Variants in PDE3B observed in about 807,000 individuals in gnomAD.
The protein encoded by PDE3B is cGMP-inhibited 3',5'-cyclic phosphodiesterase 3B.
In PDE3B, 66 loss-of-function variants were observed where a neutral mutation model predicts 116.8. The observed-to-expected ratio is 0.56, with a 90% CI of 0.46 to 0.69. The LOEUF (loss-of-function observed/expected upper bound fraction) is 0.69. PDE3B is among the 30% of genes least tolerant of loss of function. The pLI, the probability that PDE3B is intolerant of heterozygous loss-of-function variation, is 0.00. For synonymous variants in PDE3B, 595 were observed against 533.6 expected, an observed-to-expected ratio of 1.12 and a Z score of -1.59; for missense variants, 1,384 against 1,368.1, an observed-to-expected ratio of 1.01 and a Z score of -0.18.
chr11:14,651,919 A>G (rs1853584718), intron 1 of PDE3B, among the ~76,000 whole-genome samples: 2 of 152,164 alleles, frequency 1.3e-5, no homozygotes, highest in South Asian at 4.1e-4. Flanking sequence ...ATAAGACTTA[A>G]TATCCTGTAT....
intron 1 of PDE3B, among the ~76,000 whole-genome samples, chr11:14,679,497 A>G (rs1286330681): frequency 6.6e-6 from 1 of 152,174 alleles, no homozygotes; most frequent in Admixed American, 6.5e-5. Context: ...TATTTTGGCA[A>G]GCCAGCCAGG....
intron 1 of PDE3B, among the ~76,000 whole-genome samples, chr11:14,755,194 T>C (rs540007225): frequency 6.6e-6 from 1 of 152,324 alleles, no homozygotes; most frequent in South Asian, 2.1e-4. Flanking sequence ...ACTGTATATG[T>C]CACATCTTGT....
chr11:14,771,970 T>G lies in PDE3B; in HGVS notation c.1012T>G (p.Tyr338Asp). 7.3e-7 allele frequency: 1 copy of G among 1,365,712 alleles called. No individual in the cohort carries two copies. Among genetic ancestry groups the G allele is most frequent in the Non-Finnish European group, 1.0e-6 (1 of 1,001,904 alleles). 84.6% of individuals were successfully genotyped at this position (1,365,712 alleles called of 1,614,324 possible). ...TTGGGATTGGGACTTAAAACAATGG[T>G]ATAAGCCTCATTATCAAGTAAGTAT... ...ILWDWDLKQWYKPHYQNSGGG... is the reference protein window; with the variant it reads ...ILWDWDLKQWDKPHYQNSGGG... Residue 338 changes from tyrosine (Y) to aspartate (D), a missense_variant, in exon 2 of 16, where the codon TAT (tyrosine) becomes GAT (aspartate). Transcript: ENST00000282096.
chr11:14,744,414 C>A (rs1040138707), intron 1 of PDE3B, among the ~76,000 whole-genome samples: 1 of 152,126 alleles, frequency 6.6e-6, no homozygotes, highest in Non-Finnish European at 1.5e-5. Context: ...TCTTCCAAGT[C>A]CATGAATGTG....
At chr11:14,766,046 A>G (rs1470634096) in intron 1 of PDE3B, among the ~76,000 whole-genome samples, 1 of 151,596 alleles carries the variant, frequency 6.6e-6, no homozygotes, top group Non-Finnish European at 1.5e-5. Flanking sequence ...TGTACCGCCA[A>G]CTATGCATTC....
At chr11:14,716,348 A>T (rs1478453861) in intron 1 of PDE3B, among the ~76,000 whole-genome samples, 2 of 151,760 alleles carry the variant, frequency 1.3e-5, no homozygotes, top group African/African-American at 2.4e-5. Context: ...GGGGGAGGGG[A>T]GCCCGCCATT....
At chr11:14,792,951 TTA>T (rs1290013215) in intron 4 of PDE3B, among the ~76,000 whole-genome samples, 1 of 152,180 alleles carries the variant, frequency 6.6e-6, no homozygotes, top group African/African-American at 2.4e-5. Flanking sequence ...ACATTTGACT[TTA>T]TGTCAGCCAT....
chr11:14,724,077 A>C (rs1023410835), intron 1 of PDE3B, among the ~76,000 whole-genome samples: 1 of 152,210 alleles, frequency 6.6e-6, no homozygotes, highest in African/African-American at 2.4e-5. Context: ...ACTCTTAGGA[A>C]GCTGTTGAAA....
At chr11:14,735,148 T>A (rs557682628) in intron 1 of PDE3B, among the ~76,000 whole-genome samples, 1 of 152,322 alleles carries the variant, frequency 6.6e-6, no homozygotes, top group East Asian at 1.9e-4. Flanking sequence ...TCGATCATAA[T>A]GCTTGAGAAG....
intron 12 of PDE3B, among the ~76,000 whole-genome samples, chr11:14,853,076 G>A (rs932264709): frequency 1.4e-5 from 2 of 138,674 alleles, no homozygotes; most frequent in Admixed American, 7.6e-5. Flanking sequence ...TACCATCTCT[G>A]TCCCTTTCTG....
chr11:14,691,882 A>G (rs1217704172), intron 1 of PDE3B, among the ~76,000 whole-genome samples: 1 of 152,180 alleles, frequency 6.6e-6, no homozygotes, highest in African/African-American at 2.4e-5. Context: ...ATTTTATGCA[A>G]GTCAAATTGT....
At chr11:14,866,322 A>G (rs1348829914) in intron 14 of PDE3B, among the ~76,000 whole-genome samples, 8 of 152,182 alleles carry the variant, frequency 5.3e-5, no homozygotes, top group African/African-American at 1.9e-4. Context: ...ATCATCCCTC[A>G]TCAGAACTAA....
At chr11:14,753,076 G>C (rs1464912178) in intron 1 of PDE3B, among the ~76,000 whole-genome samples, 2 of 152,048 alleles carry the variant, frequency 1.3e-5, no homozygotes, top group Non-Finnish European at 2.9e-5. Context: ...TAGGATCCCT[G>C]TTTTTCCCCT....
chr11:14,763,716 TATG>T (rs1857420885), intron 1 of PDE3B, among the ~76,000 whole-genome samples: 1 of 152,108 alleles, frequency 6.6e-6, no homozygotes, highest in South Asian at 2.1e-4. Flanking sequence ...ATGCCAGGTA[TATG>T]GATACAGATA....
At chr11:14,745,314 T>C (rs1314814495) in intron 1 of PDE3B, among the ~76,000 whole-genome samples, 1 of 152,234 alleles carries the variant, frequency 6.6e-6, no homozygotes, top group Non-Finnish European at 1.5e-5. Flanking sequence ...GAAAGAATAC[T>C]GTATCTGGAT....
intron 5 of PDE3B, among the ~76,000 whole-genome samples, chr11:14,809,623 A>G (rs1433369205): frequency 6.6e-6 from 1 of 152,186 alleles, no homozygotes; most frequent in Non-Finnish European, 1.5e-5. Flanking sequence ...CCCCAATGAG[A>G]CAGTATTAAG....
In PDE3B at chr11:14,643,937, G is replaced by A; in HGVS notation, c.-139G>A. The A allele has an allele frequency of 2.4e-6, 3 of 1,265,108 alleles. No homozygotes were observed. The allele number at this position is 1,265,108 out of a possible 1,614,324, so 78.4% of individuals were successfully genotyped here. A position where few individuals can be genotyped will look rare whatever the true frequency, so the allele number is the denominator to read the frequency against. ...TCAGTCCGCGCGGTGGGGACCCCGG[G>A]CCGTGGCGGCCGGCGCAGCCCTGAC... On this transcript the variant is annotated 5_prime_UTR_variant, in exon 1 of 16. Coordinates refer to ENST00000282096, the MANE Select transcript of PDE3B (RefSeq NM_000922.4).
chr11:14,824,341 G>T (rs1295069372), intron 7 of PDE3B, among the ~76,000 whole-genome samples: 3 of 152,124 alleles, frequency 2.0e-5, no homozygotes, highest in Non-Finnish European at 2.9e-5. Context: ...TAGGAACAAA[G>T]ATAATCAAGA....
chr11:14,838,640 T>G (rs1034864968), intron 11 of PDE3B, among the ~76,000 whole-genome samples: 3 of 152,200 alleles, frequency 2.0e-5, no homozygotes, highest in Admixed American at 1.3e-4. Context: ...CTCATTTCTT[T>G]GAGATCCATA....
Sources: allele counts gnomAD v4.1 joint callset (sites outside exome capture counted in the v4.1 genomes callset), GRCh38; gene constraint gnomAD v4.1.1; transcripts MANE v1.5; gene names NCBI Gene and HGNC (gene_info 2026-07-23, HGNC 2026-07-21).